The following MANBA variants were observed in gnomAD, a reference collection of about 807,000 sequenced individuals.
MANBA encodes beta-mannosidase.
MANBA carries 83 observed loss-of-function variants against 111.1 expected under a neutral mutation model. That is an observed-to-expected ratio of 0.75 (90% CI 0.63 to 0.90). The LOEUF is 0.90. Among genes scored for constraint, MANBA ranks in the 40% least tolerant of loss-of-function variants. The pLI is 0.00. For missense variants in MANBA, 1,036 were observed against 1,069.0 expected (o/e 0.97, Z 0.43); for synonymous variants, 370 against 378.7 (o/e 0.98, Z 0.27).
intron 16 of MANBA, 116 bp from the exon 17 acceptor site, chr4:102,632,397 T>G (rs1431262103): frequency 1.2e-6 from 1 of 835,642 alleles, no homozygotes. Flanking sequence ...TTCCCACAAC[T>G]TTGGTTCTAC....
intron 5 of MANBA, among the ~76,000 whole-genome samples, chr4:102,700,102 GA>G (rs1732948785): frequency 6.9e-6 from 1 of 145,654 alleles, no homozygotes; most frequent in Admixed American, 6.7e-5. Context: ...TGTATGTGTC[GA>G]GGAATTTATC....
At chr4:102,730,968 C>T (rs1187498462) in intron 1 of MANBA, among the ~76,000 whole-genome samples, 4 of 152,054 alleles carry the variant, frequency 2.6e-5, no homozygotes, top group Non-Finnish European at 4.4e-5. Flanking sequence ...CCACCTCTGT[C>T]CCCCTCCCCT....
chr4:102,711,461 T>C (rs1186998961), intron 5 of MANBA, among the ~76,000 whole-genome samples: 2 of 152,034 alleles, frequency 1.3e-5, no homozygotes, highest in Non-Finnish European at 2.9e-5. Context: ...CAAAAAATAA[T>C]AGATGCTGGA....
intron 13 of MANBA, among the ~76,000 whole-genome samples, chr4:102,647,870 C>T (rs1353336902): frequency 6.6e-6 from 1 of 152,048 alleles, no homozygotes; most frequent in Non-Finnish European, 1.5e-5. Flanking sequence ...TGTTTTCATA[C>T]AGGAGAAAAC....
At position 102,690,717 on chromosome 4, in the gene MANBA, C is replaced by G. The variant is rs558147078; in HGVS notation, c.728G>C (p.Ser243Thr). The G allele has an allele frequency of 1.9e-6, 3 of 1,605,850 alleles. No homozygotes were observed. The South Asian group carries it at 3.3e-5, about 18-fold the overall frequency. Residue 243 changes from serine to threonine, a missense_variant, in exon 6 of 17, where the codon AGC (serine) becomes ACC (threonine). Transcript: ENST00000647097. ...LEIESTFDVV[S>T]SKPVGGQVIV... ...CACTTGACCACCAACTGGCTTTGAG[C>G]TGACAACATCAAATGTAGACTCTAT...
At chr4:102,682,146 CAA>C (rs1244673574) in intron 7 of MANBA, among the ~76,000 whole-genome samples, 21 of 62,262 alleles carry the variant, frequency 3.4e-4, no homozygotes, top group Admixed American at 5.6e-4. Flanking sequence ...AACTCTGTCT[CAA>C]AAAAAAAAAA....
intron 1 of MANBA, among the ~76,000 whole-genome samples, chr4:102,736,667 G>A (rs779014546): frequency 8.5e-5 from 13 of 152,178 alleles, no homozygotes; most frequent in Non-Finnish European, 1.8e-4. Context: ...TGTGGATTAG[G>A]ATACATAATT....
intron 1 of MANBA, among the ~76,000 whole-genome samples, chr4:102,757,096 G>A (rs985760452): frequency 2.0e-5 from 3 of 152,230 alleles, no homozygotes; most frequent in African/African-American, 4.8e-5. Flanking sequence ...TTGGAAGGCC[G>A]AGGCAGGTGG....
At chr4:102,725,502 G>T (rs1722759656) in intron 2 of MANBA, among the ~76,000 whole-genome samples, 1 of 152,110 alleles carries the variant, frequency 6.6e-6, no homozygotes, top group Non-Finnish European at 1.5e-5. Flanking sequence ...AGTGTTACAG[G>T]GACAGACATC....
At chr4:102,677,484 T>C (rs1483339367) in intron 7 of MANBA, among the ~76,000 whole-genome samples, 1 of 152,212 alleles carries the variant, frequency 6.6e-6, no homozygotes, top group Non-Finnish European at 1.5e-5. Context: ...AACCAATGCA[T>C]TATATTACAA....
intron 1 of MANBA, chr4:102,734,364 T>C: frequency 6.2e-7 from 1 of 1,609,238 alleles, no homozygotes; most frequent in Non-Finnish European, 8.5e-7. Flanking sequence ...GGCCATGGCC[T>C]CTGACCTAGA....
At chr4:102,742,533 T>C (rs1192101197) in intron 1 of MANBA, among the ~76,000 whole-genome samples, 2 of 152,186 alleles carry the variant, frequency 1.3e-5, no homozygotes, top group African/African-American at 4.8e-5. Context: ...CAGAAGGCCA[T>C]TCCACCATTC....
At chr4:102,672,378 T>C (rs1250375230) in intron 8 of MANBA, among the ~76,000 whole-genome samples, 1 of 152,222 alleles carries the variant, frequency 6.6e-6, no homozygotes, top group African/African-American at 2.4e-5. Context: ...AGATTTAAGT[T>C]TACAGATCCA....
At chr4:102,727,533 C>T in intron 1 of MANBA, 1 of 1,595,822 alleles carries the variant, frequency 6.3e-7, no homozygotes, top group Non-Finnish European at 8.6e-7. Context: ...GCCGTAGCTG[C>T]TGGTTTAGCT....
rs185477584 is a variant in MANBA, at chr4:102,741,190, A to T, written c.178-14507T>A. 3.9e-5 allele frequency among the ~76,000 whole-genome samples: 6 copies of T among 152,294 alleles called. No individual in the cohort carries two copies. In the East Asian group the frequency reaches 7.7e-4, roughly 20 times the overall value. ...GATATACAAATAGCAGAAAAAATTT[A>T]AAAATGTTTAACATCACTATCAGGG... is the stretch of plus-strand genomic sequence containing the variant. On this transcript the variant is annotated intron_variant, in intron 1 of 16. Transcript: ENST00000647097.
At chr4:102,739,353 A>T (rs1401348161) in intron 1 of MANBA, among the ~76,000 whole-genome samples, 1 of 152,234 alleles carries the variant, frequency 6.6e-6, no homozygotes, top group Admixed American at 6.5e-5. Flanking sequence ...AGATGGATTC[A>T]CAGCTGAATT....
chr4:102,651,587 A>G (rs1730335800), intron 12 of MANBA, among the ~76,000 whole-genome samples: 1 of 152,192 alleles, frequency 6.6e-6, no homozygotes, highest in African/African-American at 2.4e-5. Context: ...TTGAAAAAAC[A>G]TACTCTGCCC....
intron 5 of MANBA, among the ~76,000 whole-genome samples, chr4:102,700,980 A>T (rs1192714114): frequency 2.6e-5 from 4 of 151,660 alleles, no homozygotes; most frequent in African/African-American, 4.8e-5. Flanking sequence ...CCCATTATTA[A>T]TGTGTGGGAG....
At chr4:102,730,539 T>A (rs138368126) in intron 1 of MANBA, 2 of 532,146 alleles carry the variant, frequency 3.8e-6, no homozygotes, top group Admixed American at 1.9e-5. Context: ...GATTTTTCTA[T>A]GAGAAATAAG....
Sources: allele counts gnomAD v4.1 joint callset (sites outside exome capture counted in the v4.1 genomes callset), GRCh38; gene constraint gnomAD v4.1.1; transcripts MANE v1.5; gene names NCBI Gene and HGNC (gene_info 2026-07-23, HGNC 2026-07-21).